The following SYT14 variants were observed in gnomAD, a reference collection of about 807,000 sequenced individuals.
SYT14 encodes the protein synaptotagmin 14, also known as synaptotagmin-14.
A neutral mutation model predicts 74.2 loss-of-function variants in SYT14; 32 were observed. That is an observed-to-expected ratio of 0.43 (90% CI 0.33 to 0.58). The LOEUF is 0.58. Ranked by LOEUF, SYT14 falls within the 20% of genes least tolerant of loss-of-function variation. The pLI is 0.05. For missense variants in SYT14, 791 were observed against 981.8 expected (o/e 0.81, Z 2.60); for synonymous variants, 298 against 337.7 (o/e 0.88, Z 1.29).
At position 210,037,090 on chromosome 1, in the gene SYT14, T is replaced by TA. The variant is rs578226330; in HGVS notation, c.1312+15837dup. ...TTGTTGTTGTTGGGAGATTTGTTAT[T>TA]ATTTGTTCAGTCTCACCACTCATTA... On this transcript the variant is annotated intron_variant, in intron 5 of 9. Transcript: ENST00000637265. 1.4e-3 allele frequency among the ~76,000 whole-genome samples: 215 copies of TA among 152,116 alleles called. 1 individual carries two copies. Among genetic ancestry groups the TA allele is most frequent in the African/African-American group, 4.8e-3 (198 of 41,538 alleles).
chr1:209,946,310 G>A (rs1051199013), intron 1 of SYT14, among the ~76,000 whole-genome samples: 13 of 152,188 alleles, frequency 8.5e-5, no homozygotes, highest in African/African-American at 3.1e-4. Flanking sequence ...AGCTGAGACT[G>A]GCCAAAAGCT....
Position 209,997,118 on chromosome 1 carries a change from A to G in SYT14, c.-485-16515A>G, listed in dbSNP as rs72649932. On this transcript the variant is annotated intron_variant, in intron 2 of 9. Transcript: ENST00000637265. ...AGAACTGAAAGTCCTAGCCAGAGCA[A>G]TCAGGCAAGGGAAAAATAAAAGGCA... 0.015 allele frequency among the ~76,000 whole-genome samples: 2,297 copies of G among 151,792 alleles called. 168 individuals carry two copies. In the East Asian group the frequency reaches 0.23, roughly 16 times the overall value.
intron 7 of SYT14, among the ~76,000 whole-genome samples, chr1:210,151,748 C>T (rs969433475): frequency 6.6e-6 from 1 of 152,118 alleles, no homozygotes; most frequent in Non-Finnish European, 1.5e-5. Flanking sequence ...TTCAGCAGGG[C>T]TTACTAAAAT....
At position 210,143,110 on chromosome 1, in the gene SYT14, C is replaced by T. The variant is rs76646904; in HGVS notation, c.2035-12611C>T. Among the ~76,000 whole-genome samples, 16 of 152,066 alleles carry T rather than the reference C, an allele frequency of 1.1e-4. No individual in the cohort carries two copies. In the East Asian group the frequency reaches 2.9e-3, roughly 28 times the overall value. ...AGGAGTTTTAGTAGTAAGGAAGAGC[C>T]TATTTTGAGATACTATCCGGAGGAA... On this transcript the variant is annotated intron_variant, in intron 7 of 9. Coordinates refer to ENST00000637265, the Ensembl canonical transcript of SYT14.
chr1:210,115,914 G>A (rs1322341347), intron 7 of SYT14, among the ~76,000 whole-genome samples: 2 of 151,166 alleles, frequency 1.3e-5, no homozygotes, highest in Non-Finnish European at 2.9e-5. Flanking sequence ...AATCATCTGG[G>A]TGCAGGCAGG....
In SYT14 at chr1:209,999,489, T is replaced by G. The variant is rs147343565; in HGVS notation, c.-485-14144T>G. Among the ~76,000 whole-genome samples, 343 of 152,258 alleles carry G rather than the reference T, an allele frequency of 2.3e-3. 2 individuals are homozygous for G. Among genetic ancestry groups the G allele is most frequent in the Non-Finnish European group, 2.9e-3 (199 of 67,954 alleles). On this transcript the variant is annotated intron_variant, in intron 2 of 9. Coordinates refer to ENST00000637265, the Ensembl canonical transcript of SYT14. ...GCAGCACTATTCACAATAGCAGAGATATGAAATCAATGTAAGTGTCCATTT... is the reference window on the plus strand; with the variant it reads ...GCAGCACTATTCACAATAGCAGAGAGATGAAATCAATGTAAGTGTCCATTT...
intron 5 of SYT14, among the ~76,000 whole-genome samples, chr1:210,039,769 A>T (rs1484411453): frequency 6.6e-6 from 1 of 152,204 alleles, no homozygotes; most frequent in African/African-American, 2.4e-5. Context: ...GCCAAAGAAC[A>T]TATGCAAAAA....
chr1:210,047,126 A>G (rs994275015), intron 5 of SYT14, among the ~76,000 whole-genome samples: 1 of 152,098 alleles, frequency 6.6e-6, no homozygotes, highest in Non-Finnish European at 1.5e-5. Flanking sequence ...CCACCATTAT[A>G]TAGTCCTTTT....
At chr1:210,131,963 C>T (rs1048465490) in intron 7 of SYT14, among the ~76,000 whole-genome samples, 5 of 152,032 alleles carry the variant, frequency 3.3e-5, no homozygotes, top group African/African-American at 4.8e-5. Context: ...GGCCCTGATG[C>T]AGGACACCAG....
At chr1:210,063,651 T>G (rs2081245335) in intron 5 of SYT14, among the ~76,000 whole-genome samples, 1 of 151,878 alleles carries the variant, frequency 6.6e-6, no homozygotes, top group African/African-American at 2.4e-5. Flanking sequence ...TATTCTTATG[T>G]TTTTATCCAT....
chr1:210,160,672 A>C lies in SYT14; in HGVS notation c.2282-57A>C, dbSNP rs970827752. ...ACTTAATTTTCTTAGCCTATAAAAA[A>C]TTGTTTTGAGTTTGTTTCAAATGAT... On this transcript the variant is annotated intron_variant, in intron 9 of 9. Coordinates refer to ENST00000637265, the Ensembl canonical transcript of SYT14. The C allele has an allele frequency of 1.0e-5, 15 of 1,479,902 alleles. No individual in the cohort carries two copies. In the African/African-American group the frequency reaches 1.7e-4, roughly 17 times the overall value. 91.7% of individuals were successfully genotyped at this position (1,479,902 alleles called of 1,614,324 possible). A position where few individuals can be genotyped will look rare whatever the true frequency, so the allele number is the denominator to read the frequency against.
At chr1:210,039,190 CT>C (rs989238482) in intron 5 of SYT14, among the ~76,000 whole-genome samples, 1 of 151,866 alleles carries the variant, frequency 6.6e-6, no homozygotes, top group African/African-American at 2.4e-5. Flanking sequence ...TTGGTCTAGT[CT>C]GTTTTTAAAG....
In SYT14 at chr1:210,151,504, G is replaced by GCCCCC. The variant is rs140800804; in HGVS notation, c.2035-4212_2035-4208dup. On this transcript the variant is annotated intron_variant, in intron 7 of 9. Coordinates refer to ENST00000637265, the Ensembl canonical transcript of SYT14. ...CAAGTAGCTGAAATTATAGGCGAAT[G>GCCCCC]CCCCCCCCCTTTTTTTTTTTTTTAA... is the stretch of plus-strand genomic sequence containing the variant. Among the ~76,000 whole-genome samples the GCCCCC allele has an allele frequency of 2.0e-4, 24 of 120,058 alleles. 1 individual carries two copies. The highest frequency in any genetic ancestry group is 3.1e-4 in the Non-Finnish European group (19 of 61,680). The allele number at this position is 120,058 out of a possible 152,430, so 78.8% of individuals were successfully genotyped here. A position where few individuals can be genotyped will look rare whatever the true frequency, so the allele number is the denominator to read the frequency against.
chr1:209,944,638 C>T (rs2078792713), intron 1 of SYT14, among the ~76,000 whole-genome samples: 1 of 152,026 alleles, frequency 6.6e-6, no homozygotes, highest in Admixed American at 6.6e-5. Flanking sequence ...AAGGACTTGA[C>T]TTTTTCAGAC....
chr1:210,096,906 A>G (rs185054263), intron 6 of SYT14, among the ~76,000 whole-genome samples: 4 of 152,266 alleles, frequency 2.6e-5, no homozygotes, highest in East Asian at 1.9e-4. Context: ...TTTATATTTA[A>G]TATCGTATGA....
intron 5 of SYT14, among the ~76,000 whole-genome samples, chr1:210,071,951 A>G (rs200778890): frequency 4.0e-5 from 6 of 151,856 alleles, no homozygotes; most frequent in Admixed American, 3.3e-4. Context: ...AGAAGTTTTT[A>G]TTACTGAAGA....
intron 6 of SYT14, among the ~76,000 whole-genome samples, chr1:210,099,408 T>G (rs1226399739): frequency 6.6e-6 from 1 of 152,234 alleles, no homozygotes; most frequent in Non-Finnish European, 1.5e-5. Context: ...GTTTAGAAAT[T>G]GAAGTAAATA....
intron 7 of SYT14, among the ~76,000 whole-genome samples, chr1:210,141,800 C>T (rs1019920658): frequency 1.3e-5 from 2 of 152,214 alleles, no homozygotes; most frequent in African/African-American, 4.8e-5. Context: ...CACAGAGCAG[C>T]AAGATCAGCT....
intron 5 of SYT14, among the ~76,000 whole-genome samples, chr1:210,069,253 A>G (rs1170373866): frequency 6.6e-6 from 1 of 152,024 alleles, no homozygotes; most frequent in East Asian, 1.9e-4. Flanking sequence ...TGCATTCTCT[A>G]ATTCTTCGTT....
Sources: gnomAD v4.1 joint callset for allele counts (sites outside exome capture counted in the v4.1 genomes callset) on GRCh38, gnomAD v4.1.1 for gene constraint, MANE v1.5 for transcripts, NCBI Gene and HGNC (gene_info 2026-07-23, HGNC 2026-07-21) for gene names.